The following RIF1 variants were observed in gnomAD, a reference collection of about 807,000 sequenced individuals.
RIF1 encodes telomere-associated protein RIF1.
Under a neutral mutation model 247.1 loss-of-function variants are expected in RIF1, and 45 were observed. The ratio of observed to expected loss-of-function variants is 0.18; its 90% confidence interval spans 0.14 to 0.23. RIF1 has a LOEUF of 0.23. RIF1 is among the 10% of genes least tolerant of loss of function. The probability of loss-of-function intolerance (pLI) is 1.00; values close to 1 mark genes in which losing one functional copy is unlikely to be tolerated. For missense variants in RIF1, 2,967 were observed against 2,862.5 expected (o/e 1.04, Z -0.83); for synonymous variants, 1,087 against 978.8 (o/e 1.11, Z -2.06).
At chr2:151,434,727 A>G (rs1690835304) in intron 10 of RIF1, among the ~76,000 whole-genome samples, 1 of 152,152 alleles carries the variant, frequency 6.6e-6, no homozygotes, top group Non-Finnish European at 1.5e-5. Flanking sequence ...GGCATGAGCC[A>G]CTGCGCCAGC....
At position 151,464,438 on chromosome 2, in the gene RIF1, T is replaced by C; in HGVS notation, c.4918T>C (p.Leu1640=). The change falls in exon 30 of 36, where the codon TTG becomes CTG. Residue 1640 remains leucine, a synonymous_variant. Coordinates refer to ENST00000444746, the MANE Select transcript of RIF1 (RefSeq NM_018151.5). ...CQDSTVTSDL[L]QVPDDLPNVC... ...GGATTCTACAGTAACTTCAGATTTG[T>C]TGCAAGTTCCTGATGATTTACCAAA... 1.2e-6 allele frequency: 2 copies of C among 1,613,576 alleles called. No individual in the cohort carries two copies. Among genetic ancestry groups the C allele is most frequent in the Non-Finnish European group, 1.7e-6 (2 of 1,179,860 alleles).
intron 12 of RIF1, chr2:151,503,582 T>C: frequency 1.8e-6 from 1 of 559,646 alleles, no homozygotes; most frequent in Non-Finnish European, 3.1e-6. Flanking sequence ...GGGGGGAAAA[T>C]TCCATGAATA....
At position 151,463,691 on chromosome 2, in the gene RIF1, G is replaced by A. The variant is rs979726520; in HGVS notation, c.4171G>A (p.Val1391Ile). ...GGAATCCAAAGAGAATACACCCCCA[G>A]TAGTAATATCAGCAGATCAAATGGT... ...NLESKENTPP[V>I]VISADQMVNE... The change falls in exon 30 of 36, where the codon GTA becomes ATA. Residue 1391 changes from valine (V) to isoleucine (I), a missense_variant. Val to Ile is a conservative substitution (Grantham distance 29). Around this residue, in one of 7 missense-constraint regions of RIF1, gnomAD observed 2,028 missense variants for 1,825.6 expected, o/e 1.11. Coordinates refer to ENST00000444746, the MANE Select transcript of RIF1 (RefSeq NM_018151.5). The A allele has an allele frequency of 2.5e-6, 4 of 1,613,830 alleles. No homozygotes were observed. In the African/African-American group the frequency reaches 4.0e-5, roughly 16 times the overall value.
chr2:151,469,908 G>A (rs1181545015), intron 34 of RIF1, 44 bp downstream of exon 34: 2 of 1,404,592 alleles, frequency 1.4e-6, no homozygotes, highest in East Asian at 2.3e-5. Flanking sequence ...AATAAATGAT[G>A]TAGCAGTACA....
At chr2:151,421,004 C>T (rs1472339279) in intron 7 of RIF1, among the ~76,000 whole-genome samples, 1 of 152,024 alleles carries the variant, frequency 6.6e-6, no homozygotes, top group Non-Finnish European at 1.5e-5. Context: ...CTGTATAATC[C>T]CAGTAGATAC....
the RIF1 span, among the ~76,000 whole-genome samples, chr2:151,523,951 G>T: frequency 6.6e-6 from 1 of 152,156 alleles, no homozygotes; most frequent in African/African-American, 2.4e-5. Flanking sequence ...TGCTCTTCAT[G>T]TTAAATCTAT....
chr2:151,513,303 C>T, the RIF1 span, among the ~76,000 whole-genome samples: 65 of 152,160 alleles, frequency 4.3e-4, no homozygotes, highest in African/African-American at 1.5e-3. Context: ...GCCAAGATGT[C>T]GAGTTTGCCC....
chr2:151,489,971 T>A, intron 9 of RIF1: 1 of 1,578,230 alleles, frequency 6.3e-7, no homozygotes, highest in South Asian at 1.1e-5. Flanking sequence ...ATTCACTTAC[T>A]CCAGCAGTAG....
chr2:151,497,613 C>A, intron 10 of RIF1: 1 of 1,555,748 alleles, frequency 6.4e-7, no homozygotes, highest in Middle Eastern at 1.7e-4. Context: ...TTTTTCTTTT[C>A]TTGCCAAAGT....
At chr2:151,492,658 C>G (rs1485074653) in intron 9 of RIF1, 1 of 427,354 alleles carries the variant, frequency 2.3e-6, no homozygotes, top group Non-Finnish European at 4.1e-6. Context: ...ATCTGGGGAC[C>G]AGAAGGGCCC....
intron 21 of RIF1, among the ~76,000 whole-genome samples, chr2:151,454,453 A>C (rs1028960082): frequency 6.6e-6 from 1 of 152,170 alleles, no homozygotes; most frequent in Non-Finnish European, 1.5e-5. Context: ...AATGTACTAT[A>C]GATGAGCAAA....
downstream of RIF1, among the ~76,000 whole-genome samples, chr2:151,485,065 G>A (rs1024819971): frequency 6.6e-6 from 1 of 152,158 alleles, no homozygotes; most frequent in Non-Finnish European, 1.5e-5. Flanking sequence ...TTCTCCCTTT[G>A]CCTTTGCCAC....
intron 11 of RIF1, among the ~76,000 whole-genome samples, chr2:151,500,900 C>CAAAT (rs2063981840): frequency 6.6e-6 from 1 of 151,974 alleles, no homozygotes; most frequent in African/African-American, 2.4e-5. Flanking sequence ...CGCCTGGCCC[C>CAAAT]AAATAAGATT....
At chr2:151,523,116 CA>C in the RIF1 span, among the ~76,000 whole-genome samples, 3 of 148,504 alleles carry the variant, frequency 2.0e-5, no homozygotes, top group Non-Finnish European at 4.5e-5. Context: ...CATTTAAAAA[CA>C]TTAACTTTTT....
intron 4 of RIF1, 34 bp downstream of exon 4, chr2:151,414,953 A>G (rs749519755): frequency 1.5e-6 from 2 of 1,307,652 alleles, no homozygotes; most frequent in Non-Finnish European, 2.2e-6. Flanking sequence ...ATATTTTTAG[A>G]GTATAAAGTA....
Position 151,477,508 on chromosome 2 carries a change from A to T in RIF1, c.*2437A>T, listed in dbSNP as rs1406381329. 3 of 151,636 alleles carry T rather than the reference A, an allele frequency of 2.0e-5. No homozygotes were observed. The highest frequency in any genetic ancestry group is 7.3e-5 in the African/African-American group (3 of 41,160). The allele number at this position is 151,636 out of a possible 1,614,324, so 9.4% of individuals were successfully genotyped here. On this transcript the variant is annotated 3_prime_UTR_variant, in exon 36 of 36. Coordinates refer to ENST00000444746, the MANE Select transcript of RIF1 (RefSeq NM_018151.5). ...CGGTTCACTGCAAGCTCTGCCTCCC[A>T]GGTTTACACCATTCTCCTGCCTCAG...
At chr2:151,424,160 A>G (rs918485896) in intron 8 of RIF1, among the ~76,000 whole-genome samples, 1 of 152,024 alleles carries the variant, frequency 6.6e-6, no homozygotes, top group Non-Finnish European at 1.5e-5. Context: ...CTGGAGTACA[A>G]TGGCGTGATC....
At chr2:151,441,442 C>T (rs1692277816) in intron 15 of RIF1, among the ~76,000 whole-genome samples, 1 of 152,104 alleles carries the variant, frequency 6.6e-6, no homozygotes, top group Non-Finnish European at 1.5e-5. Flanking sequence ...AATGGACATT[C>T]ATATAGCAGT....
At chr2:151,442,196 C>A (rs1208554003) in intron 16 of RIF1, among the ~76,000 whole-genome samples, 3 of 151,700 alleles carry the variant, frequency 2.0e-5, no homozygotes, top group Non-Finnish European at 4.4e-5. Flanking sequence ...CTGCCTCAAC[C>A]TCCCGAGTAG....
Sources: allele counts gnomAD v4.1 joint callset (sites outside exome capture counted in the v4.1 genomes callset), GRCh38; gene constraint gnomAD v4.1.1; regional missense constraint gnomAD v4.1.1; transcripts MANE v1.5; gene names NCBI Gene and HGNC (gene_info 2026-07-23, HGNC 2026-07-21).